The following FAM222B variants were observed in gnomAD, a reference collection of about 807,000 sequenced individuals.
FAM222B encodes family with sequence similarity 222 member B, also known as protein FAM222B.
A neutral mutation model predicts 38.0 loss-of-function variants in FAM222B; 12 were observed. That is an observed-to-expected ratio of 0.32 (90% CI 0.20 to 0.51). The LOEUF is 0.51. Among genes scored for constraint, FAM222B ranks in the 20% least tolerant of loss-of-function variants. The pLI is 0.97. For synonymous variants in FAM222B, 329 were observed against 317.2 expected (o/e 1.04, Z -0.40); for missense variants, 716 against 754.2 (o/e 0.95, Z 0.59).
At chr17:28,813,089 G>A (rs1410832043) in intron 1 of FAM222B, among the ~76,000 whole-genome samples, 1 of 119,178 alleles carries the variant, frequency 8.4e-6, no homozygotes, top group African/African-American at 3.3e-5. Flanking sequence ...TCTAGAAGTT[G>A]GTGGGGTGGA....
chr17:28,844,194 G>A (rs1052854000), upstream of FAM222B, among the ~76,000 whole-genome samples: 27 of 152,168 alleles, frequency 1.8e-4, no homozygotes, highest in Admixed American at 1.6e-3. Flanking sequence ...CAGCAGGCAA[G>A]AGGAGGTACA....
intron 1 of FAM222B, among the ~76,000 whole-genome samples, chr17:28,797,242 C>T (rs2036985401): frequency 6.6e-6 from 1 of 151,902 alleles, no homozygotes; most frequent in African/African-American, 2.4e-5. Flanking sequence ...CTGATCTGCC[C>T]ACCTCAGCTT....
intron 1 of FAM222B, among the ~76,000 whole-genome samples, chr17:28,805,248 C>G (rs944276124): frequency 1.3e-5 from 2 of 151,980 alleles, no homozygotes; most frequent in African/African-American, 2.4e-5. Flanking sequence ...GTCCTACCTA[C>G]TCAAGAGGCT....
At chr17:28,774,878 G>A (rs575707023) in intron 1 of FAM222B, among the ~76,000 whole-genome samples, 1 of 151,702 alleles carries the variant, frequency 6.6e-6, no homozygotes, top group East Asian at 2.0e-4. Context: ...GGAGGTGGAG[G>A]GTGCAGTGAG....
chr17:28,812,516 T>G (rs1363047805), intron 1 of FAM222B: 8 of 152,230 alleles, frequency 5.3e-5, no homozygotes, highest in African/African-American at 1.9e-4. Flanking sequence ...CTCTCCTGTC[T>G]GCACAGCCAA....
At chr17:28,760,916 G>C (rs1405867805) in intron 2 of FAM222B, among the ~76,000 whole-genome samples, 1 of 152,224 alleles carries the variant, frequency 6.6e-6, no homozygotes, top group East Asian at 1.9e-4. Flanking sequence ...ATGCCCGACT[G>C]GATGAGGATC....
intron 1 of FAM222B, among the ~76,000 whole-genome samples, chr17:28,854,653 G>A (rs1467994998): frequency 6.6e-6 from 1 of 152,178 alleles, no homozygotes; most frequent in Non-Finnish European, 1.5e-5. Flanking sequence ...TACGGGGACA[G>A]GCGGAACAGT....
chr17:28,758,908 G>A lies in FAM222B; in HGVS notation c.1051C>T (p.Arg351Cys), dbSNP rs756972270. The change falls in exon 3 of 3, where the codon CGC (arginine) becomes TGC (cysteine). Residue 351 changes from arginine (R) to cysteine (C), a missense_variant. By Grantham distance (180) the Arg-to-Cys change is radical. Coordinates refer to ENST00000581407, the MANE Select transcript of FAM222B (RefSeq NM_001077498.3). ...TCGCTAGGGTAGCCAGTGGGGACGCGAGAGATGCCTGTGGGCAGGTTGACA... is the reference window on the plus strand; with the variant it reads ...TCGCTAGGGTAGCCAGTGGGGACGCAAGAGATGCCTGTGGGCAGGTTGACA... ...GPVNLPTGIS[R>C]VPTGYPSDLK... is the part of the protein sequence containing the mutation. The A allele has an allele frequency of 5.6e-6, 9 of 1,609,296 alleles. No individual in the cohort carries two copies. The East Asian group carries it at 1.1e-4, about 20-fold the overall frequency.
intron 1 of FAM222B, among the ~76,000 whole-genome samples, chr17:28,773,854 C>T (rs1334823850): frequency 6.6e-6 from 1 of 152,068 alleles, no homozygotes; most frequent in Non-Finnish European, 1.5e-5. Context: ...AGACTTCCTC[C>T]AGTACTAAGA....
chr17:28,851,611 C>T (rs1381906309), intron 1 of FAM222B, among the ~76,000 whole-genome samples: 1 of 151,896 alleles, frequency 6.6e-6, no homozygotes. Context: ...GGTGCAGTGA[C>T]TCATCCCTGT....
intron 1 of FAM222B, among the ~76,000 whole-genome samples, chr17:28,774,213 T>A (rs1318155004): frequency 6.6e-6 from 1 of 151,792 alleles, no homozygotes; most frequent in Non-Finnish European, 1.5e-5. Context: ...AATTCCAATA[T>A]AATTTTACAG....
chr17:28,830,718 G>A lies in FAM222B; in HGVS notation c.-41+11964C>T, dbSNP rs1454794854. Among the ~76,000 whole-genome samples the A allele has an allele frequency of 2.6e-5, 4 of 151,560 alleles. No homozygotes were observed. The East Asian group carries it at 7.8e-4, about 29-fold the overall frequency. ...CTCATAGTTTAGGCCGGGCATGGTG[G>A]CTAACACCTGTAGTCCCAGCACTGT... On this transcript the variant is annotated intron_variant, in intron 1 of 2. Coordinates refer to ENST00000581407, the MANE Select transcript of FAM222B (RefSeq NM_001077498.3).
chr17:28,781,588 T>G (rs888195246), intron 1 of FAM222B, among the ~76,000 whole-genome samples: 4 of 152,176 alleles, frequency 2.6e-5, no homozygotes, highest in African/African-American at 9.7e-5. Context: ...CACTCCCATG[T>G]TAACTGCAGC....
chr17:28,777,298 T>C (rs2035939795), intron 1 of FAM222B: 2 of 152,232 alleles, frequency 1.3e-5, no homozygotes, highest in African/African-American at 4.8e-5. Flanking sequence ...ACTATACCCT[T>C]AGAACCTGTC....
intron 1 of FAM222B, among the ~76,000 whole-genome samples, chr17:28,814,272 A>G (rs759725223): frequency 3.3e-5 from 5 of 152,118 alleles, no homozygotes; most frequent in Non-Finnish European, 5.9e-5. Context: ...TTGCAAGTGC[A>G]TAACATTAAA....
At chr17:28,836,509 C>G (rs903444479) in intron 1 of FAM222B, among the ~76,000 whole-genome samples, 1 of 151,952 alleles carries the variant, frequency 6.6e-6, no homozygotes, top group Non-Finnish European at 1.5e-5. Flanking sequence ...GCAAGACTCA[C>G]GTCTCCAACA....
intron 1 of FAM222B, among the ~76,000 whole-genome samples, chr17:28,830,364 G>T (rs2038624349): frequency 6.6e-6 from 1 of 151,530 alleles, no homozygotes; most frequent in African/African-American, 2.4e-5. Flanking sequence ...GTTTCACCGT[G>T]TTAGCCGGGA....
chr17:28,801,281 G>A (rs771279671), intron 1 of FAM222B, among the ~76,000 whole-genome samples: 13 of 148,778 alleles, frequency 8.7e-5, no homozygotes, highest in African/African-American at 2.7e-4. Flanking sequence ...GTGAAACCCC[G>A]TCTCTACTAA....
chr17:28,802,230 T>C (rs1157965253), intron 1 of FAM222B, among the ~76,000 whole-genome samples: 1 of 152,018 alleles, frequency 6.6e-6, no homozygotes, highest in Non-Finnish European at 1.5e-5. Flanking sequence ...CCCGAGTAGC[T>C]GGGATTACAA....
Sources: allele counts gnomAD v4.1 joint callset (sites outside exome capture counted in the v4.1 genomes callset), GRCh38; gene constraint gnomAD v4.1.1; transcripts MANE v1.5; gene names NCBI Gene and HGNC (gene_info 2026-07-23, HGNC 2026-07-21).